HMCN1: variants seen among roughly 807,000 people sequenced by gnomAD.
The protein encoded by HMCN1 is hemicentin-1.
A neutral mutation model predicts 625.9 loss-of-function variants in HMCN1; 321 were observed. The observed-to-expected ratio is 0.51, with a 90% CI of 0.47 to 0.56. HMCN1 has a LOEUF of 0.56. Ranked by LOEUF, HMCN1 falls within the 20% of genes least tolerant of loss-of-function variation. The pLI is 0.00. For missense variants in HMCN1, 6,588 were observed against 6,887.3 expected (o/e 0.96, Z 1.54); for synonymous variants, 2,425 against 2,417.6 (o/e 1.00, Z -0.09).
At chr1:185,919,678 C>T (rs1440372110) in intron 6 of HMCN1, among the ~76,000 whole-genome samples, 1 of 152,152 alleles carries the variant, frequency 6.6e-6, no homozygotes, top group Admixed American at 6.6e-5. Context: ...TCATTGAGAT[C>T]ATCATGAGAA....
At chr1:185,842,558 T>C (rs1273359530) in intron 1 of HMCN1, among the ~76,000 whole-genome samples, 1 of 151,412 alleles carries the variant, frequency 6.6e-6, no homozygotes, top group Non-Finnish European at 1.5e-5. Flanking sequence ...AATGAGACCC[T>C]GTCTCAACAA....
rs751212954 is a variant in HMCN1, at chr1:186,052,941, T to C, written c.6578-11T>C. The C allele has an allele frequency of 3.4e-5, 54 of 1,595,032 alleles. No individual in the cohort carries two copies. The highest frequency in any genetic ancestry group is 1.2e-4 in the Admixed American group (7 of 59,766). ...AATGAGTGGAAAAATCATATTTTTATTTTTTTCTAGTCCCCCCAAATATTG... is the reference window on the plus strand; with the variant it reads ...AATGAGTGGAAAAATCATATTTTTACTTTTTTCTAGTCCCCCCAAATATTG... On this transcript the variant is annotated splice_polypyrimidine_tract_variant and intron_variant, in intron 42 of 106. Transcript: ENST00000271588.
chr1:186,108,635 G>A, intron 71 of HMCN1, 38 bp downstream of exon 71: 2 of 1,612,370 alleles, frequency 1.2e-6, no homozygotes, highest in Non-Finnish European at 1.7e-6. Flanking sequence ...TCCTTTTTGA[G>A]ATGAAAAAAG....
At chr1:186,119,329 C>T (rs551420362) in intron 78 of HMCN1, 31 bp downstream of exon 78, 137 of 1,543,248 alleles carry the variant, frequency 8.9e-5, no homozygotes, top group East Asian at 5.6e-4. Flanking sequence ...ATTCAAAGTT[C>T]GCTGGGTTTG....
At chr1:185,868,257 C>T (rs907583585) in intron 4 of HMCN1, among the ~76,000 whole-genome samples, 4 of 151,998 alleles carry the variant, frequency 2.6e-5, no homozygotes, top group Non-Finnish European at 4.4e-5. Context: ...TAATATAGTG[C>T]CTTAAATGGA....
chr1:185,867,176 T>A (rs528155297), intron 4 of HMCN1, among the ~76,000 whole-genome samples: 6 of 152,342 alleles, frequency 3.9e-5, no homozygotes, highest in Admixed American at 6.5e-5. Flanking sequence ...ATCTTAAAAA[T>A]GTATTCTTGG....
chr1:186,154,834 A>G (rs767986961), intron 97 of HMCN1, among the ~76,000 whole-genome samples: 55 of 152,140 alleles, frequency 3.6e-4, no homozygotes, highest in African/African-American at 1.3e-3. Flanking sequence ...TAGTCCATCT[A>G]TGCTATGTGG....
At chr1:185,897,843 T>G (rs1665574664) in intron 4 of HMCN1, among the ~76,000 whole-genome samples, 1 of 152,196 alleles carries the variant, frequency 6.6e-6, no homozygotes, top group African/African-American at 2.4e-5. Context: ...CTTGTGATAT[T>G]TAACTCATCT....
chr1:186,103,741 A>C, intron 69 of HMCN1, 73 bp downstream of exon 69: 6 of 1,301,802 alleles, frequency 4.6e-6, no homozygotes, highest in Non-Finnish European at 6.6e-6. Flanking sequence ...GAGATTTGTT[A>C]AATTATGTCT....
chr1:185,871,446 A>G (rs892637232), intron 4 of HMCN1, among the ~76,000 whole-genome samples: 1 of 152,176 alleles, frequency 6.6e-6, no homozygotes, highest in Admixed American at 6.5e-5. Context: ...GGAGAAAATG[A>G]TAGTTTCTAC....
In HMCN1 at chr1:186,182,372, C is replaced by A. The variant is rs1297032034; in HGVS notation, c.16414+85C>A. On this transcript the variant is annotated intron_variant, in intron 105 of 106. Transcript: ENST00000271588. The stretch of plus-strand genomic sequence containing the variant: ...GAGAAGTTTTTTTTCAATAATCATT[C>A]TCCTAGTGGCTTCCCCTTCTTACCC... 1.2e-5 allele frequency: 18 copies of A among 1,476,800 alleles called. No individual in the cohort carries two copies. The East Asian group carries it at 4.2e-4, about 34-fold the overall frequency. 91.5% of individuals were successfully genotyped at this position (1,476,800 alleles called of 1,614,324 possible). A position where few individuals can be genotyped will look rare whatever the true frequency, so the allele number is the denominator to read the frequency against.
intron 36 of HMCN1, among the ~76,000 whole-genome samples, chr1:186,025,240 C>T (rs1245182990): frequency 1.3e-5 from 2 of 152,142 alleles, no homozygotes; most frequent in Admixed American, 6.5e-5. Flanking sequence ...TGCCACTCAC[C>T]TCCTGCTGTG....
intron 4 of HMCN1, among the ~76,000 whole-genome samples, chr1:185,882,735 G>T (rs1243412484): frequency 6.6e-6 from 1 of 151,910 alleles, no homozygotes; most frequent in Admixed American, 6.6e-5. Flanking sequence ...ATCACCTTGG[G>T]CTTTCAACCA....
intron 11 of HMCN1, among the ~76,000 whole-genome samples, chr1:185,941,051 T>C (rs1668054257): frequency 6.6e-6 from 1 of 152,126 alleles, no homozygotes; most frequent in African/African-American, 2.4e-5. Flanking sequence ...GAGACGGTGT[T>C]TCACCATGCT....
intron 11 of HMCN1, among the ~76,000 whole-genome samples, chr1:185,948,358 G>T (rs1359774338): frequency 6.6e-6 from 1 of 151,846 alleles, no homozygotes; most frequent in Non-Finnish European, 1.5e-5. Context: ...GGGTGCAGGT[G>T]GGCTGAGTCC....
chr1:186,142,430 T>G (rs1430132209), intron 89 of HMCN1, among the ~76,000 whole-genome samples: 2 of 152,224 alleles, frequency 1.3e-5, no homozygotes, highest in African/African-American at 4.8e-5. Context: ...TTTTGGTTGC[T>G]TCTGTCTTTA....
chr1:186,116,854 C>A, intron 75 of HMCN1, 140 bp from the exon 76 acceptor site: 2 of 925,488 alleles, frequency 2.2e-6, no homozygotes, highest in Non-Finnish European at 1.7e-6. Flanking sequence ...TAAAGTTGGC[C>A]TCAGGGACAT....
chr1:185,929,148 C>T (rs1409584167), intron 10 of HMCN1, among the ~76,000 whole-genome samples: 1 of 152,064 alleles, frequency 6.6e-6, no homozygotes, highest in East Asian at 1.9e-4. Context: ...GTTAAATGTT[C>T]CCTTTTCCTC....
intron 50 of HMCN1, among the ~76,000 whole-genome samples, chr1:186,068,863 G>A (rs761397264): frequency 2.0e-4 from 22 of 111,006 alleles, no homozygotes; most frequent in Non-Finnish European, 3.5e-4. Flanking sequence ...AGCAAGACTC[G>A]GTCTCAAAAA....
Sources: allele counts gnomAD v4.1 joint callset (sites outside exome capture counted in the v4.1 genomes callset), GRCh38; gene constraint gnomAD v4.1.1; transcripts MANE v1.5; gene names NCBI Gene and HGNC (gene_info 2026-07-23, HGNC 2026-07-21).